PRKDC: variants seen among roughly 807,000 people sequenced by gnomAD.
PRKDC encodes the protein protein kinase, DNA-activated, catalytic subunit.
In PRKDC, 82 loss-of-function variants were observed where a neutral mutation model predicts 486.9. The observed-to-expected ratio is 0.17, with a 90% CI of 0.14 to 0.20. The LOEUF (loss-of-function observed/expected upper bound fraction) is 0.20, where lower values mean the gene tolerates loss of function less well. PRKDC is among the 10% of genes least tolerant of loss of function. The pLI, the probability that PRKDC is intolerant of heterozygous loss-of-function variation, is 1.00. For missense variants in PRKDC, 4,504 were observed against 5,038.2 expected (o/e 0.89, Z 3.21); for synonymous variants, 1,895 against 1,837.0 (o/e 1.03, Z -0.81).
Position 47,918,316 on chromosome 8 carries a change from C to A in PRKDC, c.2487G>T (p.Val829=). The change falls in exon 22 of 86, where the codon GTG becomes GTT. Residue 829 remains valine (V), a synonymous_variant. Coordinates refer to ENST00000314191, the MANE Select transcript of PRKDC (RefSeq NM_006904.7). ...SRAAQKGFNK[V]VLKHLKKTKN... ...TTGTCTTCTTCAGATGCTTTAACAC[C>A]ACTTTATTAAATCCTTTCTGGGCAG... 6.3e-7 allele frequency: 1 copy of A among 1,593,414 alleles called. No individual in the cohort carries two copies. Among genetic ancestry groups the A allele is most frequent in the Non-Finnish European group, 8.6e-7 (1 of 1,168,526 alleles).
chr8:47,954,179 C>T (rs191902586), intron 5 of PRKDC, among the ~76,000 whole-genome samples, 159 bp downstream of exon 5: 27 of 152,250 alleles, frequency 1.8e-4, no homozygotes, highest in Admixed American at 1.6e-3. Flanking sequence ...GGGAAGTCTT[C>T]ACATGTTGTT....
chr8:47,793,046 T>A (rs2086908816), intron 74 of PRKDC, among the ~76,000 whole-genome samples: 1 of 152,188 alleles, frequency 6.6e-6, no homozygotes, highest in Non-Finnish European at 1.5e-5. Flanking sequence ...CATGCTTAGC[T>A]TATTTTTATT....
At chr8:47,903,421 C>A (rs1308657671) in intron 26 of PRKDC, among the ~76,000 whole-genome samples, 1 of 152,190 alleles carries the variant, frequency 6.6e-6, no homozygotes, top group African/African-American at 2.4e-5. Flanking sequence ...GTACACTCAA[C>A]AATGAATTAA....
In PRKDC at chr8:47,902,582, A is replaced by G. The variant is rs1030128713; in HGVS notation, c.3256T>C (p.Tyr1086His). ...TAGCTTACAAACCTGAATTCCCTGT[A>G]GATATTATTAAAGGCAAGTGATGCT... is the stretch of plus-strand genomic sequence containing the variant. ...LGASLAFNNI[Y>H]REFREEESLV... Residue 1086 changes from tyrosine to histidine, a missense_variant, in exon 27 of 86, where the codon TAC (tyrosine) becomes CAC (histidine). Transcript: ENST00000314191. 4 of 1,584,950 alleles carry G rather than the reference A, an allele frequency of 2.5e-6. No homozygotes were observed. The East Asian group carries it at 6.7e-5, about 27-fold the overall frequency.
intron 36 of PRKDC, among the ~76,000 whole-genome samples, chr8:47,883,104 G>A (rs6473874): frequency 0.029 from 4,345 of 152,300 alleles, 214 homozygotes; most frequent in African/African-American, 0.097. Context: ...GCATCGTGAT[G>A]AGAGTGCACA....
At chr8:47,901,713 G>T (rs114521004) in intron 27 of PRKDC, among the ~76,000 whole-genome samples, 4 of 152,020 alleles carry the variant, frequency 2.6e-5, no homozygotes, top group African/African-American at 9.7e-5. Flanking sequence ...GGGCTGTATC[G>T]TTATACCTCC....
At chr8:47,840,267 T>C in intron 54 of PRKDC, 78 bp from the exon 55 acceptor site, 1 of 1,188,816 alleles carries the variant, frequency 8.4e-7, no homozygotes, top group East Asian at 2.6e-5. Context: ...GGCAACTTTT[T>C]CTTCTTTGTT....
At chr8:47,944,130 G>A in intron 7 of PRKDC, 101 bp from the exon 8 acceptor site, 1 of 963,638 alleles carries the variant, frequency 1.0e-6, no homozygotes, top group South Asian at 1.5e-5. Flanking sequence ...TTAATCTCTT[G>A]TGAATTCAGG....
chr8:47,834,686 CTTTTTTTT>C (rs1014285595), intron 58 of PRKDC, among the ~76,000 whole-genome samples: 16 of 96,778 alleles, frequency 1.7e-4, no homozygotes, highest in African/African-American at 1.0e-3. Context: ...GAACCCCTGA[CTTTTTTTT>C]TTTTTTTTTT....
chr8:47,956,191 A>G (rs1320385117), intron 3 of PRKDC, among the ~76,000 whole-genome samples: 1 of 151,736 alleles, frequency 6.6e-6, no homozygotes, highest in Non-Finnish European at 1.5e-5. Flanking sequence ...GTGAAACCCT[A>G]TCTCTACTAA....
chr8:47,879,492 T>G lies in PRKDC; in HGVS notation c.5234A>C (p.Lys1745Thr). The G allele has an allele frequency of 6.4e-7, 1 of 1,565,116 alleles. No homozygotes were observed. The highest frequency in any genetic ancestry group is 8.7e-7 in the Non-Finnish European group (1 of 1,154,300). Reference protein sequence around the residue: ...RFNNYVDCMKKFLDALELSQS... With the variant: ...RFNNYVDCMKTFLDALELSQS... ...TACTTGATACTACTAGAAACTAACCTTTTTCATGCAGTCCACATAATTATT... is the reference window on the plus strand; with the variant it reads ...TACTTGATACTACTAGAAACTAACCGTTTTCATGCAGTCCACATAATTATT... Residue 1745 changes from lysine (K) to threonine (T), a missense_variant and splice_region_variant, in exon 39 of 86, where the codon AAG becomes ACG. Physicochemically the swap from Lys to Thr is moderately conservative, Grantham distance 78. Transcript: ENST00000314191.
intron 17 of PRKDC, among the ~76,000 whole-genome samples, chr8:47,930,342 G>A (rs1227844192): frequency 2.6e-5 from 4 of 152,052 alleles, no homozygotes; most frequent in Non-Finnish European, 5.9e-5. Context: ...GCGCAGTCTC[G>A]GCTCACTGCA....
chr8:47,906,380 T>A (rs1035411427), intron 25 of PRKDC, among the ~76,000 whole-genome samples: 1 of 151,538 alleles, frequency 6.6e-6, no homozygotes, highest in African/African-American at 2.4e-5. Context: ...CACGATGTAA[T>A]CCCAGCACTT....
At chr8:47,902,498 TAC>T (rs2089705227) in intron 27 of PRKDC, 69 bp downstream of exon 27, 2 of 1,077,406 alleles carry the variant, frequency 1.9e-6, no homozygotes, top group Non-Finnish European at 2.6e-6. Context: ...GACACACGGA[TAC>T]ACAGAGTGAA....
chr8:47,954,038 G>A lies in PRKDC; in HGVS notation c.509-119C>T. On this transcript the variant is annotated intron_variant, in intron 5 of 85. Coordinates refer to ENST00000314191, the MANE Select transcript of PRKDC (RefSeq NM_006904.7). ...GTTCAAAATTGATTTTACAGTAAGAGATATAAAATATAAAGCTTTTAGGAC... is the reference window on the plus strand; with the variant it reads ...GTTCAAAATTGATTTTACAGTAAGAAATATAAAATATAAAGCTTTTAGGAC... 1.0e-5 allele frequency: 6 copies of A among 595,500 alleles called. No individual in the cohort carries two copies. In the East Asian group the frequency reaches 1.1e-4, roughly 11 times the overall value. 36.9% of individuals were successfully genotyped at this position (595,500 alleles called of 1,614,324 possible). A position where few individuals can be genotyped will look rare whatever the true frequency, so the allele number is the denominator to read the frequency against.
At chr8:47,800,525 G>A (rs1034342777) in intron 71 of PRKDC, among the ~76,000 whole-genome samples, 1 of 151,810 alleles carries the variant, frequency 6.6e-6, no homozygotes, top group Admixed American at 6.6e-5. Context: ...GAGTTAATGG[G>A]TGCAGCACAC....
chr8:47,854,220 A>G lies in PRKDC; in HGVS notation c.6762-6T>C. ...AAAACTTTTCAAATATTAACCTGAA[A>G]CATAAGCACAAAGGAGAAAATTGAG... On this transcript the variant is annotated splice_region_variant and splice_polypyrimidine_tract_variant and intron_variant, in intron 50 of 85. Transcript: ENST00000314191. 1 of 1,612,038 alleles carries G rather than the reference A, an allele frequency of 6.2e-7. No homozygotes were observed. The highest frequency in any genetic ancestry group is 8.5e-7 in the Non-Finnish European group (1 of 1,178,086).
intron 67 of PRKDC, among the ~76,000 whole-genome samples, chr8:47,817,919 T>C (rs961481087): frequency 5.9e-5 from 9 of 152,224 alleles, no homozygotes; most frequent in African/African-American, 9.6e-5. Flanking sequence ...TCTTCATTGG[T>C]ATAGGGCTAC....
rs2089400240 is a variant in PRKDC, at chr8:47,889,136, G to A, written c.4158C>T (p.Ile1386=). 5.6e-6 allele frequency: 9 copies of A among 1,613,972 alleles called. No individual in the cohort carries two copies. Among genetic ancestry groups the A allele is most frequent in the African/African-American group, 2.7e-5 (2 of 75,030 alleles). ...LCEPASIGFN[I]GDVQVMAHLP... Reference sequence around the variant, plus strand: ...GATGAGCCATAACCTGGACGTCTCCGATGTTGAAACCTATGCTTGCGGGCT... The same window carrying A: ...GATGAGCCATAACCTGGACGTCTCCAATGTTGAAACCTATGCTTGCGGGCT... Residue 1386 remains isoleucine, a synonymous_variant, in exon 33 of 86, where the codon ATC becomes ATT. Coordinates refer to ENST00000314191, the MANE Select transcript of PRKDC (RefSeq NM_006904.7).
Sources: allele counts gnomAD v4.1 joint callset (sites outside exome capture counted in the v4.1 genomes callset), GRCh38; gene constraint gnomAD v4.1.1; transcripts MANE v1.5; gene names NCBI Gene and HGNC (gene_info 2026-07-23, HGNC 2026-07-21).